DOCK2: variants seen among roughly 807,000 people sequenced by gnomAD.
DOCK2 encodes dedicator of cytokinesis protein 2.
A neutral mutation model predicts 248.9 loss-of-function variants in DOCK2; 87 were observed. The observed-to-expected ratio is 0.35, with a 90% CI of 0.29 to 0.42. DOCK2 has a LOEUF of 0.42. Among genes scored for constraint, DOCK2 ranks in the 10% least tolerant of loss-of-function variants. DOCK2 has a pLI of 1.00. For missense variants in DOCK2, 1,747 were observed against 2,300.2 expected, an observed-to-expected ratio of 0.76 and a Z score of 4.92; for synonymous variants, 805 against 821.6, an observed-to-expected ratio of 0.98 and a Z score of 0.35.
At chr5:169,657,702 C>T (rs572217975) in intron 2 of DOCK2, among the ~76,000 whole-genome samples, 130 of 152,278 alleles carry the variant, frequency 8.5e-4, no homozygotes, top group Middle Eastern at 3.4e-3. Context: ...ATGTGCTGCT[C>T]ACCCACTTCT....
chr5:169,987,374 T>C (rs1778094224), intron 29 of DOCK2, among the ~76,000 whole-genome samples: 1 of 152,206 alleles, frequency 6.6e-6, no homozygotes. Context: ...CCTTTGGAAC[T>C]GGGTCAGTTC....
At chr5:169,757,136 A>G (rs958918398) in intron 23 of DOCK2, among the ~76,000 whole-genome samples, 32 of 152,102 alleles carry the variant, frequency 2.1e-4, no homozygotes, top group African/African-American at 7.0e-4. Flanking sequence ...TAGGGAGAGA[A>G]TGGAATCCAC....
At chr5:169,653,553 A>G (rs1001451857) in intron 1 of DOCK2, among the ~76,000 whole-genome samples, 18 of 152,158 alleles carry the variant, frequency 1.2e-4, no homozygotes, top group African/African-American at 4.3e-4. Flanking sequence ...TCTCCTACAC[A>G]GGTTCCTTCC....
intron 27 of DOCK2, among the ~76,000 whole-genome samples, chr5:169,974,212 A>G (rs2113770464): frequency 6.6e-6 from 1 of 152,306 alleles, no homozygotes; most frequent in African/African-American, 2.4e-5. Flanking sequence ...AAATGGTATT[A>G]CCAACATCTA....
At chr5:169,871,207 A>C (rs766378850) in intron 27 of DOCK2, among the ~76,000 whole-genome samples, 119 of 152,312 alleles carry the variant, frequency 7.8e-4, no homozygotes, top group Non-Finnish European at 1.6e-3. Context: ...ACAAACATTC[A>C]GTCTATTCAC....
At chr5:169,689,360 C>T (rs527821435) in intron 9 of DOCK2, 27 bp downstream of exon 9, 22 of 1,612,038 alleles carry the variant, frequency 1.4e-5, no homozygotes, top group Admixed American at 5.0e-5. Context: ...TTCTCGTTAC[C>T]GTGCTCCCCA....
chr5:169,854,686 A>G (rs1176316894), intron 27 of DOCK2, among the ~76,000 whole-genome samples: 1 of 152,220 alleles, frequency 6.6e-6, no homozygotes, highest in African/African-American at 2.4e-5. Flanking sequence ...TTTTCCTTGA[A>G]ATGTCTCCAT....
intron 44 of DOCK2, among the ~76,000 whole-genome samples, chr5:170,067,191 G>A (rs145551729): frequency 4.2e-4 from 64 of 152,268 alleles, no homozygotes; most frequent in African/African-American, 1.4e-3. Context: ...AACCAATACT[G>A]AAAGGGTTGA....
intron 8 of DOCK2, among the ~76,000 whole-genome samples, chr5:169,687,357 T>A (rs1427603487): frequency 6.6e-6 from 1 of 152,218 alleles, no homozygotes; most frequent in Non-Finnish European, 1.5e-5. Context: ...CATTGGTTAA[T>A]CTGGGACTGT....
intron 23 of DOCK2, among the ~76,000 whole-genome samples, chr5:169,757,982 GTA>G (rs1275006213): frequency 2.0e-5 from 3 of 152,148 alleles, no homozygotes; most frequent in Admixed American, 2.0e-4. Context: ...CTCCTAAAAT[GTA>G]TATGTCTATA....
At chr5:169,987,882 A>G (rs1291189005) in intron 29 of DOCK2, among the ~76,000 whole-genome samples, 1 of 152,178 alleles carries the variant, frequency 6.6e-6, no homozygotes, top group Non-Finnish European at 1.5e-5. Context: ...CAGACTCTTT[A>G]ATTCTGCCAC....
chr5:170,072,754 A>G (rs1757722530), intron 46 of DOCK2, among the ~76,000 whole-genome samples: 1 of 152,162 alleles, frequency 6.6e-6, no homozygotes, highest in Non-Finnish European at 1.5e-5. Flanking sequence ...TTTAATTTGC[A>G]TTTCCTTCAT....
At chr5:170,075,532 T>C (rs757818582) in intron 46 of DOCK2, 13 of 163,844 alleles carry the variant, frequency 7.9e-5, no homozygotes, top group Non-Finnish European at 1.7e-4. Flanking sequence ...CCTCTATCTC[T>C]CAGCTTCTGA....
intron 6 of DOCK2, among the ~76,000 whole-genome samples, chr5:169,681,113 CTTTTT>C (rs764614478): frequency 1.1e-5 from 1 of 94,198 alleles, no homozygotes; most frequent in African/African-American, 3.9e-5. Flanking sequence ...TTTAGTAGAC[CTTTTT>C]TTTTTTTTTT....
rs1249960004 is a variant in DOCK2, at chr5:169,859,460, C to G, written c.2799+18608C>G. Among the ~76,000 whole-genome samples the G allele has an allele frequency of 3.3e-5, 5 of 152,326 alleles. No individual in the cohort carries two copies. The South Asian group carries it at 8.3e-4, about 25-fold the overall frequency. ...GATTTGTCCCCCGCACTTTTTCTTGCAAGCAATGCTTGATGGGCGTAGTGA... is the reference window on the plus strand; with the variant it reads ...GATTTGTCCCCCGCACTTTTTCTTGGAAGCAATGCTTGATGGGCGTAGTGA... On this transcript the variant is annotated intron_variant, in intron 27 of 51. Coordinates refer to ENST00000520908, the MANE Select transcript of DOCK2 (RefSeq NM_004946.3).
rs1176062770 is a variant in DOCK2, at chr5:170,025,832, CTTCCTTCCTTCCTTCT to C, written c.3382-2015_3382-2000del. 1.1e-3 allele frequency among the ~76,000 whole-genome samples: 136 copies of C among 125,084 alleles called. 2 individuals carry two copies. The East Asian group carries it at 0.021, about 20-fold the overall frequency. 82.1% of individuals were successfully genotyped at this position (125,084 alleles called of 152,430 possible). A position where few individuals can be genotyped will look rare whatever the true frequency, so the allele number is the denominator to read the frequency against. On this transcript the variant is annotated intron_variant, in intron 33 of 51. Coordinates refer to ENST00000520908, the MANE Select transcript of DOCK2 (RefSeq NM_004946.3). The stretch of plus-strand genomic sequence containing the variant: ...CCTTCCTTCCTTCCTTCCTTCCTTC[CTTCCTTCCTTCCTTCT>C]TTCCTTCCTTCCTTCCATTTGTCCG...
intron 47 of DOCK2, among the ~76,000 whole-genome samples, chr5:170,076,793 G>T (rs1050252268): frequency 5.9e-5 from 9 of 152,170 alleles, no homozygotes; most frequent in Admixed American, 5.9e-4. Context: ...TTGATTCAAA[G>T]ATTTTTTTCC....
At chr5:169,654,306 T>C in intron 1 of DOCK2, 97 bp from the exon 2 acceptor site, 1 of 1,382,250 alleles carries the variant, frequency 7.2e-7, no homozygotes, top group South Asian at 1.3e-5. Flanking sequence ...GTGGGCTGCG[T>C]GGGCATGGGA....
chr5:169,647,425 G>A (rs1168254752), intron 1 of DOCK2, among the ~76,000 whole-genome samples: 1 of 152,104 alleles, frequency 6.6e-6, no homozygotes, highest in Non-Finnish European at 1.5e-5. Flanking sequence ...TTTTCTGGTG[G>A]CCTTATAGGA....
Sources: allele counts gnomAD v4.1 joint callset (sites outside exome capture counted in the v4.1 genomes callset), GRCh38; gene constraint gnomAD v4.1.1; transcripts MANE v1.5; gene names NCBI Gene and HGNC (gene_info 2026-07-23, HGNC 2026-07-21).